The following ACSM3 variants were observed in gnomAD, a reference collection of about 807,000 sequenced individuals.
ACSM3 encodes the protein acyl-CoA synthetase medium chain family member 3.
In ACSM3, 61 loss-of-function variants were observed where a neutral mutation model predicts 74.1. The ratio of observed to expected loss-of-function variants is 0.82; its 90% CI spans 0.67 to 1.02. The LOEUF (loss-of-function observed/expected upper bound fraction) is 1.02. ACSM3 is among the 50% of genes least tolerant of loss of function. ACSM3 has a pLI of 0.00. For missense variants in ACSM3, 660 were observed against 697.0 expected (o/e 0.95, Z 0.60); for synonymous variants, 213 against 241.5 (o/e 0.88, Z 1.09).
chr16:20,754,979 G>C (rs1286858917), intron 2 of ACSM3, among the ~76,000 whole-genome samples: 2 of 152,134 alleles, frequency 1.3e-5, no homozygotes, highest in African/African-American at 2.4e-5. Flanking sequence ...TGTGACGAAG[G>C]CTGGGGATGG....
intron 1 of ACSM3, chr16:20,734,368 T>A (rs1342700462): frequency 6.6e-6 from 1 of 152,596 alleles, no homozygotes; most frequent in Non-Finnish European, 1.5e-5. Context: ...TTATCAATCA[T>A]TGCAAGGTAA....
intron 12 of ACSM3, 145 bp downstream of exon 12, chr16:20,792,480 C>A: frequency 6.7e-7 from 1 of 1,491,090 alleles, no homozygotes; most frequent in Non-Finnish European, 8.9e-7. Flanking sequence ...TCAGAAAGAA[C>A]TGCTACAAAA....
At chr16:20,715,593 G>A (rs1477146460) in intron 1 of ACSM3, among the ~76,000 whole-genome samples, 1 of 150,598 alleles carries the variant, frequency 6.6e-6, no homozygotes, top group African/African-American at 2.4e-5. Context: ...GACAGAGTGA[G>A]ACTCCATCTC....
At chr16:20,789,440 T>G in intron 9 of ACSM3, 1 of 1,422,306 alleles carries the variant, frequency 7.0e-7, no homozygotes. Flanking sequence ...TGATGAGGAT[T>G]GGAGAGAGGG....
At chr16:20,729,551 G>C (rs1421328296) in intron 1 of ACSM3, 1 of 486,840 alleles carries the variant, frequency 2.1e-6, no homozygotes, top group African/African-American at 1.9e-5. Context: ...AATTTGTGGA[G>C]AGGTAGATGA....
At chr16:20,723,198 A>C (rs11649682) in intron 1 of ACSM3, among the ~76,000 whole-genome samples, 19,571 of 152,076 alleles carry the variant, frequency 0.13, 1,332 homozygotes, top group East Asian at 0.21. Context: ...CTATGTCCCT[A>C]CAAAGGACAT....
At chr16:20,791,843 G>A (rs1363265970) in intron 10 of ACSM3, among the ~76,000 whole-genome samples, 159 bp from the exon 11 acceptor site, 4 of 151,808 alleles carry the variant, frequency 2.6e-5, no homozygotes, top group Non-Finnish European at 5.9e-5. Flanking sequence ...CAGGAGAATC[G>A]CTTGAACCTG....
intron 1 of ACSM3, chr16:20,721,277 T>C (rs2079784308): frequency 6.6e-6 from 1 of 152,292 alleles, no homozygotes; most frequent in Non-Finnish European, 1.5e-5. Context: ...ATAGTATAGC[T>C]TTAAAAAAGG....
chr16:20,706,352 AT>A (rs1460042840), intron 1 of ACSM3, among the ~76,000 whole-genome samples: 1 of 152,238 alleles, frequency 6.6e-6, no homozygotes, highest in Non-Finnish European at 1.5e-5. Flanking sequence ...ATGTGGGACA[AT>A]TGTTCAAATT....
intron 2 of ACSM3, among the ~76,000 whole-genome samples, chr16:20,750,972 G>T (rs1401178298): frequency 2.0e-5 from 3 of 149,380 alleles, no homozygotes; most frequent in African/African-American, 7.4e-5. Flanking sequence ...AGCCACCCAA[G>T]TAGCTGGGAT....
chr16:20,729,730 T>C (rs1434350737), intron 1 of ACSM3, among the ~76,000 whole-genome samples: 1 of 151,886 alleles, frequency 6.6e-6, no homozygotes, highest in Admixed American at 6.6e-5. Flanking sequence ...AGGGGAGCTA[T>C]TAGGATTCTT....
At chr16:20,771,371 CTT>C (rs57406215) in intron 2 of ACSM3, among the ~76,000 whole-genome samples, 38 of 85,266 alleles carry the variant, frequency 4.5e-4, no homozygotes, top group African/African-American at 1.4e-3. Context: ...GGCCGAGCTC[CTT>C]TTTTTTTTTT....
At chr16:20,723,388 G>A (rs1216407301) in intron 1 of ACSM3, among the ~76,000 whole-genome samples, 1 of 152,058 alleles carries the variant, frequency 6.6e-6, no homozygotes, top group Non-Finnish European at 1.5e-5. Context: ...TAATCCTTTG[G>A]GTATATACCC....
intron 1 of ACSM3, chr16:20,741,789 C>T (rs2079928767): frequency 1.9e-6 from 3 of 1,548,100 alleles, no homozygotes; most frequent in South Asian, 1.2e-5. Context: ...CTGCTGTTGG[C>T]GTCCTCGTCT....
At chr16:20,760,804 T>A (rs1259590211), upstream of ACSM3, among the ~76,000 whole-genome samples, 2 of 152,250 alleles carry the variant, frequency 1.3e-5, no homozygotes, top group Non-Finnish European at 2.9e-5. Flanking sequence ...TCCTTCTTCA[T>A]CTTTACTATG....
intron 1 of ACSM3, chr16:20,718,456 C>T (rs1006235884): frequency 9.5e-6 from 5 of 526,648 alleles, no homozygotes; most frequent in Non-Finnish European, 1.5e-5. Flanking sequence ...CCAGCACTCT[C>T]AGAGCAGCTT....
chr16:20,683,715 C>CTCTT (rs55684501), intron 1 of ACSM3, among the ~76,000 whole-genome samples: 58,954 of 135,926 alleles, frequency 0.43, 13,109 homozygotes, highest in East Asian at 0.73. Flanking sequence ...CTCTCTCTCT[C>CTCTT]TCTTTCTTTC....
chr16:20,795,983 TCCTCAGGG>T (rs2080714596), intron 12 of ACSM3: 1 of 158,468 alleles, frequency 6.3e-6, no homozygotes, highest in Non-Finnish European at 1.4e-5. Context: ...CCACTCTTGT[TCCTCAGGG>T]CCATGGAAAT....
intron 1 of ACSM3, among the ~76,000 whole-genome samples, chr16:20,700,116 G>C (rs1277226875): frequency 6.6e-6 from 1 of 152,162 alleles, no homozygotes; most frequent in Admixed American, 6.5e-5. Flanking sequence ...GTCTCTATCA[G>C]CCTTGTTCTC....
Sources: gnomAD v4.1 joint callset for allele counts (sites outside exome capture counted in the v4.1 genomes callset) on GRCh38, gnomAD v4.1.1 for gene constraint, MANE v1.5 for transcripts, NCBI Gene and HGNC (gene_info 2026-07-23, HGNC 2026-07-21) for gene names.